Variants in TUBGCP3 observed in about 807,000 individuals in gnomAD.
TUBGCP3 encodes gamma-tubulin complex component 3.
A neutral mutation model predicts 123.1 loss-of-function variants in TUBGCP3; 50 were observed. The observed-to-expected ratio is 0.41, with a 90% CI of 0.32 to 0.51. The LOEUF (loss-of-function observed/expected upper bound fraction) is 0.51. TUBGCP3 is among the 20% of genes least tolerant of loss of function. The pLI is 0.36. For synonymous variants in TUBGCP3, 405 were observed against 413.9 expected, an observed-to-expected ratio of 0.98 and a Z score of 0.26; for missense variants, 882 against 1,127.0, an observed-to-expected ratio of 0.78 and a Z score of 3.11.
chr13:112,546,112 A>C, intron 10 of TUBGCP3: 2 of 400,426 alleles, frequency 5.0e-6, no homozygotes, highest in Non-Finnish European at 9.0e-6. Context: ...ACTGCTGAGG[A>C]ATTTTTCAGA....
intron 14 of TUBGCP3, chr13:112,521,632 T>C: frequency 1.0e-6 from 1 of 981,440 alleles, no homozygotes; most frequent in African/African-American, 1.7e-5. Context: ...TAAGTTACTA[T>C]TTTGTGTCTT....
chr13:112,560,128 G>A lies in TUBGCP3; in HGVS notation c.253-729C>T, dbSNP rs1394658987. On this transcript the variant is annotated intron_variant, in intron 3 of 21. Coordinates refer to ENST00000261965, the MANE Select transcript of TUBGCP3 (RefSeq NM_006322.6). ...CAGCTGGGAGACAGAGCAAGACTCC[G>A]TCTCAAAAAAAAAAAAAAAAGGCCG... 2.0e-4 allele frequency among the ~76,000 whole-genome samples: 23 copies of A among 114,220 alleles called. 1 individual carries two copies. Among genetic ancestry groups the A allele is most frequent in the African/African-American group, 9.6e-5 (3 of 31,150 alleles). 74.9% of individuals were successfully genotyped at this position (114,220 alleles called of 152,430 possible). A position where few individuals can be genotyped will look rare whatever the true frequency, so the allele number is the denominator to read the frequency against.
chr13:112,534,630 C>T (rs1877888546), intron 11 of TUBGCP3, among the ~76,000 whole-genome samples: 1 of 151,870 alleles, frequency 6.6e-6, no homozygotes, highest in African/African-American at 2.4e-5. Flanking sequence ...AGCTACAGAG[C>T]CCTACTTGCG....
At chr13:112,553,971 G>A in intron 8 of TUBGCP3, 86 bp downstream of exon 8, 2 of 1,540,692 alleles carry the variant, frequency 1.3e-6, no homozygotes, top group East Asian at 2.3e-5. Context: ...AGCCTTAGAA[G>A]GAGCTATTTC....
intron 7 of TUBGCP3, 102 bp from the exon 8 acceptor site, chr13:112,554,284 G>A: frequency 7.4e-7 from 1 of 1,357,576 alleles, no homozygotes; most frequent in East Asian, 2.4e-5. Context: ...ATAATCCTTA[G>A]GCTTCAAGAC....
In TUBGCP3 at chr13:112,519,878, C is replaced by G. The variant is rs1002504294; in HGVS notation, c.1881+8G>C. The stretch of plus-strand genomic sequence containing the variant: ...GGGCGGCGTTCCCAACACGCAGAGC[C>G]GCAGTACCTCCAGCAGCCGCACGTC... On this transcript the variant is annotated splice_region_variant and intron_variant, in intron 15 of 21. Coordinates refer to ENST00000261965, the MANE Select transcript of TUBGCP3 (RefSeq NM_006322.6). The surrounding 1 kb of genome is among the most constrained non-coding windows in gnomAD (Gnocchi z 6.2). The G allele has an allele frequency of 5.0e-6, 8 of 1,612,100 alleles. No individual in the cohort carries two copies. The South Asian group carries it at 7.7e-5, about 16-fold the overall frequency.
At chr13:112,578,687 TCAC>T in intron 1 of TUBGCP3, among the ~76,000 whole-genome samples, 1 of 149,680 alleles carries the variant, frequency 6.7e-6, no homozygotes, top group East Asian at 2.1e-4. Context: ...CCCCACATTC[TCAC>T]CACCTGTTTC....
At position 112,545,633 on chromosome 13, in the gene TUBGCP3, G is replaced by GA; in HGVS notation, c.1335+65dup. 6.4e-7 allele frequency: 1 copy of GA among 1,567,096 alleles called. No individual in the cohort carries two copies. The highest frequency in any genetic ancestry group is 8.8e-7 in the Non-Finnish European group (1 of 1,141,744). The stretch of plus-strand genomic sequence containing the variant: ...ACATGGTAATCATGAGGGGAAAAAT[G>GA]AAACAGCATAACTGCGTGCCCATGC... On this transcript the variant is annotated intron_variant, in intron 11 of 21. Transcript: ENST00000261965. The surrounding 1 kb of genome is among the most constrained non-coding windows in gnomAD (Gnocchi z 4.1).
At position 112,547,683 on chromosome 13, in the gene TUBGCP3, C is replaced by T. The variant is rs777263605; in HGVS notation, c.1105G>A (p.Val369Ile). The change falls in exon 10 of 22, where the codon GTT becomes ATT. Residue 369 changes from valine to isoleucine, a missense_variant. Physicochemically the swap from Val to Ile is conservative, Grantham distance 29. Around this residue, in one of 3 missense-constraint regions of TUBGCP3, gnomAD observed 713 missense variants for 874.0 expected, o/e 0.82. Coordinates refer to ENST00000261965, the MANE Select transcript of TUBGCP3 (RefSeq NM_006322.6). ...CGTATTTTGGGATCATAGGTCCAAACCAGGAGGCGCCGAAGTGTTAAACTA... is the reference window on the plus strand; with the variant it reads ...CGTATTTTGGGATCATAGGTCCAAATCAGGAGGCGCCGAAGTGTTAAACTA... ...ESSLTLRRLL[V>I]WTYDPKIRLK... 9.5e-6 allele frequency: 15 copies of T among 1,585,346 alleles called. No homozygotes were observed. Among genetic ancestry groups the T allele is most frequent in the Non-Finnish European group, 1.3e-5 (15 of 1,163,386 alleles).
intron 8 of TUBGCP3, among the ~76,000 whole-genome samples, chr13:112,552,194 ATCCATC>A (rs1264983139): frequency 6.6e-6 from 1 of 152,224 alleles, no homozygotes; most frequent in Non-Finnish European, 1.5e-5. Flanking sequence ...GTGATGATCA[ATCCATC>A]TCCTGGAATA....
chr13:112,534,995 C>A (rs183763766), intron 11 of TUBGCP3, among the ~76,000 whole-genome samples: 4 of 152,306 alleles, frequency 2.6e-5, no homozygotes, highest in African/African-American at 9.6e-5. Flanking sequence ...TCTATCTCTA[C>A]GCATTTGCCA....
intron 18 of TUBGCP3, 114 bp from the exon 19 acceptor site, chr13:112,504,277 C>G: frequency 7.3e-7 from 1 of 1,374,354 alleles, no homozygotes; most frequent in Non-Finnish European, 9.9e-7. Flanking sequence ...CACCTGAGAT[C>G]AGGAGTTAGA....
At chr13:112,589,532 G>A (rs1398329875), upstream of TUBGCP3, among the ~76,000 whole-genome samples, 1 of 152,202 alleles carries the variant, frequency 6.6e-6, no homozygotes, top group East Asian at 1.9e-4. Flanking sequence ...CCTGTCAGTT[G>A]GCAAAAGGAA....
In TUBGCP3 at chr13:112,504,718, C is replaced by T. The variant is rs1881170241; in HGVS notation, c.2087-4G>A. On this transcript the variant is annotated splice_polypyrimidine_tract_variant and splice_region_variant and intron_variant, in intron 17 of 21. Coordinates refer to ENST00000261965, the MANE Select transcript of TUBGCP3 (RefSeq NM_006322.6). The stretch of plus-strand genomic sequence containing the variant: ...TGGTGCAGCACCCCGGAGAACTCTG[C>T]AAGGGAAGAGTTGACGTCAGAGGTG... The T allele has an allele frequency of 6.2e-7, 1 of 1,612,764 alleles. No homozygotes were observed. Among genetic ancestry groups the T allele is most frequent in the African/African-American group, 1.3e-5 (1 of 74,948 alleles).
chr13:112,593,017 G>A (rs9324315), upstream of TUBGCP3, among the ~76,000 whole-genome samples: 25,721 of 152,196 alleles, frequency 0.17, 3,381 homozygotes, highest in African/African-American at 0.36. Context: ...AGTTTTGATC[G>A]TTGCATTAGA....
At chr13:112,600,115 G>A in the TUBGCP3 span, among the ~76,000 whole-genome samples, 1 of 152,170 alleles carries the variant, frequency 6.6e-6, no homozygotes, top group Non-Finnish European at 1.5e-5. Context: ...TTTAGCTGAG[G>A]CGACGCTGGT....
rs184102473 is a variant in TUBGCP3 at position 112,499,938 on chromosome 13, T to C, written c.2308-753A>G. On this transcript the variant is annotated intron_variant, in intron 19 of 21. Coordinates refer to ENST00000261965, the MANE Select transcript of TUBGCP3 (RefSeq NM_006322.6). ...AAAAATGTATACACAGAAAATACCA[T>C]CTATATACCCAAGGCCATAGAGCAA... is the stretch of plus-strand genomic sequence containing the variant. Among the ~76,000 whole-genome samples the C allele has an allele frequency of 6.6e-5, 10 of 152,156 alleles. No individual in the cohort carries two copies. The East Asian group carries it at 1.9e-3, about 29-fold the overall frequency.
intron 2 of TUBGCP3, among the ~76,000 whole-genome samples, chr13:112,565,419 G>A (rs533387976): frequency 1.2e-4 from 18 of 152,090 alleles, no homozygotes; most frequent in Middle Eastern, 6.8e-3. Flanking sequence ...GTGAAAATTA[G>A]GTAAAGTAAT....
chr13:112,497,396 T>C (rs912387392), intron 20 of TUBGCP3, among the ~76,000 whole-genome samples: 6 of 152,228 alleles, frequency 3.9e-5, no homozygotes, highest in African/African-American at 1.4e-4. Flanking sequence ...CCCTTAGCGA[T>C]ACAAATGTTT....
Sources: allele counts gnomAD v4.1 joint callset (sites outside exome capture counted in the v4.1 genomes callset), GRCh38; gene constraint gnomAD v4.1.1; regional missense constraint gnomAD v4.1.1; non-coding constraint Gnocchi (gnomAD v3.1); transcripts MANE v1.5; gene names NCBI Gene and HGNC (gene_info 2026-07-23, HGNC 2026-07-21).